CADPS2: variants seen among roughly 807,000 people sequenced by gnomAD.
The protein encoded by CADPS2 is calcium-dependent secretion activator 2.
A neutral mutation model predicts 172.5 loss-of-function variants in CADPS2; 93 were observed. The ratio of observed to expected loss-of-function variants is 0.54; its 90% CI spans 0.46 to 0.64. The LOEUF is 0.64. CADPS2 is among the 30% of genes least tolerant of loss of function. The pLI, the probability that CADPS2 is intolerant of heterozygous loss-of-function variation, is 0.00. For missense variants in CADPS2, 1,420 were observed against 1,565.9 expected, an observed-to-expected ratio of 0.91 and a Z score of 1.57; for synonymous variants, 546 against 555.2, an observed-to-expected ratio of 0.98 and a Z score of 0.23.
chr7:122,627,875 C>A (rs571406418), intron 4 of CADPS2, among the ~76,000 whole-genome samples: 41 of 152,202 alleles, frequency 2.7e-4, no homozygotes, highest in African/African-American at 9.4e-4. Context: ...AAATATTTTT[C>A]TTTCTAAAGG....
chr7:122,490,873 A>G (rs2058222014), intron 10 of CADPS2, among the ~76,000 whole-genome samples: 2 of 152,242 alleles, frequency 1.3e-5, no homozygotes, highest in Middle Eastern at 3.4e-3. Flanking sequence ...AATTTTTTAA[A>G]TATCAGGTGT....
At chr7:122,427,513 T>C (rs533506294) in intron 17 of CADPS2, 5 of 152,334 alleles carry the variant, frequency 3.3e-5, no homozygotes, top group Admixed American at 1.3e-4. Flanking sequence ...CAAGTTTCTA[T>C]TACAGAGGAA....
At chr7:122,632,181 C>G (rs938706041) in intron 3 of CADPS2, among the ~76,000 whole-genome samples, 2 of 152,070 alleles carry the variant, frequency 1.3e-5, no homozygotes, top group African/African-American at 4.8e-5. Context: ...TGCAAGTGTC[C>G]TTTTGATCAA....
At chr7:122,376,012 T>C (rs1468471431) in intron 25 of CADPS2, among the ~76,000 whole-genome samples, 1 of 152,032 alleles carries the variant, frequency 6.6e-6, no homozygotes, top group African/African-American at 2.4e-5. Context: ...TTTGGAGAAA[T>C]GCAAATCAAA....
At chr7:122,407,516 A>G (rs1240188089) in intron 20 of CADPS2, 24 bp downstream of exon 20, 6 of 1,603,116 alleles carry the variant, frequency 3.7e-6, no homozygotes, top group Non-Finnish European at 4.3e-6. Flanking sequence ...CATTTCACAT[A>G]TGAAAGAAAA....
Position 122,410,443 on chromosome 7 carries a change from C to CTTT in CADPS2, c.2590-2750_2590-2748dup, listed in dbSNP as rs5887087. On this transcript the variant is annotated intron_variant, in intron 19 of 29. Transcript: ENST00000449022. ...GGCAAGCTGACAATACTTGGAAAGC[C>CTTT]TTTTTTTTTTTTTTTTGTAGTAAAT... Among the ~76,000 whole-genome samples, 1,180 of 138,302 alleles carry CTTT rather than the reference C, an allele frequency of 8.5e-3. 24 individuals are homozygous for CTTT. The highest frequency in any genetic ancestry group is 0.036 in the East Asian group (171 of 4,782). The allele number at this position is 138,302 out of a possible 152,430, so 90.7% of individuals were successfully genotyped here.
chr7:122,603,055 G>A (rs2073019069), intron 6 of CADPS2, among the ~76,000 whole-genome samples: 1 of 152,040 alleles, frequency 6.6e-6, no homozygotes, highest in African/African-American at 2.4e-5. Flanking sequence ...TAGCACAGCA[G>A]ATATAAATCT....
intron 2 of CADPS2, among the ~76,000 whole-genome samples, chr7:122,712,010 A>G (rs1201530132): frequency 6.6e-6 from 1 of 152,060 alleles, no homozygotes; most frequent in Non-Finnish European, 1.5e-5. Context: ...TACAGCATAC[A>G]TGTACATTTT....
At chr7:122,347,521 T>C (rs752293381) in intron 27 of CADPS2, among the ~76,000 whole-genome samples, 2 of 152,164 alleles carry the variant, frequency 1.3e-5, no homozygotes, top group African/African-American at 2.4e-5. Flanking sequence ...AACATGACCC[T>C]GATACAACAA....
intron 8 of CADPS2, among the ~76,000 whole-genome samples, chr7:122,515,797 C>A (rs917033718): frequency 2.0e-5 from 3 of 151,460 alleles, no homozygotes; most frequent in Non-Finnish European, 4.4e-5. Context: ...TGCACATGTA[C>A]CCTAAAACTT....
At chr7:122,769,417 C>G (rs1033168146) in intron 1 of CADPS2, among the ~76,000 whole-genome samples, 2 of 152,090 alleles carry the variant, frequency 1.3e-5, no homozygotes, top group African/African-American at 2.4e-5. Context: ...GGAACAGAAT[C>G]CCTACATTCC....
intron 17 of CADPS2, among the ~76,000 whole-genome samples, chr7:122,435,274 C>T (rs12706413): frequency 0.044 from 6,661 of 152,134 alleles, 261 homozygotes; most frequent in Non-Finnish European, 0.062. Context: ...GGTTCATATC[C>T]AAACTATTTA....
intron 3 of CADPS2, among the ~76,000 whole-genome samples, chr7:122,632,999 T>G (rs952651217): frequency 6.6e-6 from 1 of 152,150 alleles, no homozygotes. Flanking sequence ...AAAGATCAGA[T>G]AGTTGTAGGT....
chr7:122,781,345 T>A (rs1238601750), intron 1 of CADPS2, among the ~76,000 whole-genome samples: 1 of 152,210 alleles, frequency 6.6e-6, no homozygotes, highest in Non-Finnish European at 1.5e-5. Flanking sequence ...CTATTGAACT[T>A]GTTTATAGCC....
chr7:122,871,229 T>TA (rs1391412594), intron 1 of CADPS2, among the ~76,000 whole-genome samples: 1 of 151,912 alleles, frequency 6.6e-6, no homozygotes, highest in Non-Finnish European at 1.5e-5. Flanking sequence ...CTTTTTGACT[T>TA]ATGTATTCCA....
rs1250337731 is a variant in CADPS2, at chr7:122,407,787, T to C, written c.2590-91A>G. On this transcript the variant is annotated intron_variant, in intron 19 of 29. Transcript: ENST00000449022. ...TGCCAGTTGAAAATATTTTATAACATGTCTTAGTTTCACAAACAGGTATGA... is the reference window on the plus strand; with the variant it reads ...TGCCAGTTGAAAATATTTTATAACACGTCTTAGTTTCACAAACAGGTATGA... 3 of 1,249,694 alleles carry C rather than the reference T, an allele frequency of 2.4e-6. No individual in the cohort carries two copies. The South Asian group carries it at 4.0e-5, about 17-fold the overall frequency. The allele number at this position is 1,249,694 out of a possible 1,614,324, so 77.4% of individuals were successfully genotyped here.
At chr7:122,790,028 GTT>G (rs747647291) in intron 1 of CADPS2, among the ~76,000 whole-genome samples, 10 of 126,646 alleles carry the variant, frequency 7.9e-5, no homozygotes, top group East Asian at 2.5e-4. Flanking sequence ...AATATTAAGT[GTT>G]TTTTTTTTTT....
In CADPS2 at chr7:122,342,313, C is replaced by T. The variant is rs141450773; in HGVS notation, c.3612+3261G>A. Among the ~76,000 whole-genome samples the T allele has an allele frequency of 4.4e-3, 672 of 152,180 alleles. 9 individuals carry two copies. Among genetic ancestry groups the T allele is most frequent in the Middle Eastern group, 0.017 (5 of 294 alleles). ...AATCTCATTCCAAAAACAATGGGCA[C>T]GAATCTAGGCCAATGTCATGTTTTT... is the stretch of plus-strand genomic sequence containing the variant. On this transcript the variant is annotated intron_variant, in intron 28 of 29. Coordinates refer to ENST00000449022, the MANE Select transcript of CADPS2 (RefSeq NM_017954.11).
intron 17 of CADPS2, among the ~76,000 whole-genome samples, chr7:122,428,763 C>A (rs1010514513): frequency 6.6e-6 from 1 of 151,974 alleles, no homozygotes; most frequent in Non-Finnish European, 1.5e-5. Context: ...GCCACTGTAC[C>A]CGGCAGAGTA....
Sources: allele counts gnomAD v4.1 joint callset (sites outside exome capture counted in the v4.1 genomes callset), GRCh38; gene constraint gnomAD v4.1.1; transcripts MANE v1.5; gene names NCBI Gene and HGNC (gene_info 2026-07-23, HGNC 2026-07-21).